The following GDPD5 variants were observed in gnomAD, a reference collection of about 807,000 sequenced individuals.
GDPD5 encodes glycerophosphodiester phosphodiesterase domain containing 5.
GDPD5 carries 48 observed loss-of-function variants against 75.1 expected under a neutral mutation model. That is an observed-to-expected ratio of 0.64 (90% CI 0.51 to 0.81). GDPD5 has a LOEUF of 0.81. GDPD5 is among the 40% of genes least tolerant of loss of function. GDPD5 has a pLI of 0.00. For synonymous variants in GDPD5, 336 were observed against 339.0 expected (o/e 0.99, Z 0.10); for missense variants, 706 against 822.6 (o/e 0.86, Z 1.73).
intron 2 of GDPD5, among the ~76,000 whole-genome samples, chr11:75,487,776 G>A (rs1018058580): frequency 2.0e-5 from 3 of 152,150 alleles, no homozygotes; most frequent in Non-Finnish European, 4.4e-5. Flanking sequence ...CCAGGTCAGG[G>A]CTATGAGCTT....
intron 3 of GDPD5, among the ~76,000 whole-genome samples, chr11:75,475,833 C>T (rs1458211532): frequency 1.3e-5 from 2 of 152,212 alleles, no homozygotes; most frequent in Admixed American, 1.3e-4. Flanking sequence ...AGACCCCTGC[C>T]TCAGATTGGT....
chr11:75,451,013 G>A (rs1205758821), intron 6 of GDPD5: 1 of 152,382 alleles, frequency 6.6e-6, no homozygotes, highest in African/African-American at 2.4e-5. Flanking sequence ...CTGCTGGCAG[G>A]GCCTTCACCC....
In GDPD5 at chr11:75,449,066, C is replaced by A. The variant is rs1949060902; in HGVS notation, c.625G>T (p.Ala209Ser). 1 of 1,606,294 alleles carries A rather than the reference C, an allele frequency of 6.2e-7. No homozygotes were observed. Among genetic ancestry groups the A allele is most frequent in the Non-Finnish European group, 8.5e-7 (1 of 1,177,310 alleles). ...FFTVVFALYL[A>S]PLTISSPCIM... is the part of the protein sequence containing the mutation. Reference sequence around the variant, plus strand: ...CAGGGAGAGGAGATGGTGAGAGGGGCCAGGTAGAGGGCAAACACCACGGTG... The same window carrying A: ...CAGGGAGAGGAGATGGTGAGAGGGGACAGGTAGAGGGCAAACACCACGGTG... The change falls in exon 9 of 17, where the codon GCC (alanine) becomes TCC (serine). Residue 209 changes from alanine (A) to serine (S), a missense_variant. By Grantham distance (99) the Ala-to-Ser change is moderately conservative. Transcript: ENST00000336898.
chr11:75,518,098 G>A (rs1391782392), intron 1 of GDPD5, among the ~76,000 whole-genome samples: 2 of 152,274 alleles, frequency 1.3e-5, no homozygotes, highest in African/African-American at 4.8e-5. Flanking sequence ...GGTGGCTGGG[G>A]CAGGGAGTTC....
At chr11:75,524,867 C>A (rs1281762900) in intron 1 of GDPD5, among the ~76,000 whole-genome samples, 1 of 152,172 alleles carries the variant, frequency 6.6e-6, no homozygotes, top group Non-Finnish European at 1.5e-5. Context: ...TGCCTCTTCC[C>A]CCTCTATCCT....
chr11:75,480,013 A>G (rs561712022), intron 2 of GDPD5, among the ~76,000 whole-genome samples: 1 of 152,278 alleles, frequency 6.6e-6, no homozygotes, highest in African/African-American at 2.4e-5. Flanking sequence ...TCTGTGAATG[A>G]GTTTTTTGTG....
intron 4 of GDPD5, among the ~76,000 whole-genome samples, chr11:75,458,335 C>T (rs375896503): frequency 1.7e-3 from 255 of 152,364 alleles, no homozygotes; most frequent in South Asian, 2.5e-3. Context: ...TAATACTTGA[C>T]TTCTCTGAGC....
At chr11:75,441,501 A>C in intron 13 of GDPD5, 145 bp downstream of exon 13, 1 of 1,117,406 alleles carries the variant, frequency 8.9e-7, no homozygotes, top group South Asian at 1.5e-5. Flanking sequence ...TCTTTGAACC[A>C]TGTGTGCCTG....
At chr11:75,456,558 G>A in intron 6 of GDPD5, 199 bp downstream of exon 6, 1 of 598,204 alleles carries the variant, frequency 1.7e-6, no homozygotes, top group Middle Eastern at 2.6e-4. Context: ...ACATCACAAG[G>A]TTGCTGTAAG....
intron 1 of GDPD5, among the ~76,000 whole-genome samples, chr11:75,514,723 G>T (rs1165744955): frequency 6.6e-6 from 1 of 152,226 alleles, no homozygotes. Flanking sequence ...CCTCTGCAGA[G>T]TCCCCAGCAA....
intron 9 of GDPD5, among the ~76,000 whole-genome samples, chr11:75,445,539 A>G (rs1948964008): frequency 1.3e-5 from 2 of 152,212 alleles, no homozygotes; most frequent in Non-Finnish European, 2.9e-5. Context: ...GGCGAAGACC[A>G]GGTCCATGAG....
At chr11:75,441,061 C>A (rs1228593934) in intron 14 of GDPD5, 102 bp downstream of exon 14, 1 of 1,184,112 alleles carries the variant, frequency 8.4e-7, no homozygotes, top group Non-Finnish European at 1.2e-6. Context: ...ATGCTAGAGA[C>A]CTCCCAGGGA....
chr11:75,441,218 A>G lies in GDPD5; in HGVS notation c.1418T>C (p.Val473Ala). 6.8e-6 allele frequency: 11 copies of G among 1,614,006 alleles called. No individual in the cohort carries two copies. The highest frequency in any genetic ancestry group is 7.6e-6 in the Non-Finnish European group (9 of 1,179,972). The change falls in exon 14 of 17, where the codon GTC becomes GCC. Residue 473 changes from valine (V) to alanine (A), a missense_variant. Physicochemically the swap from Val to Ala is moderately conservative, Grantham distance 64. Coordinates refer to ENST00000336898, the MANE Select transcript of GDPD5 (RefSeq NM_030792.8). The part of the protein sequence containing the change: ...SLLWCAGVPS[V>A]TSDNSHALSQ... ...CAGGGCGTGGGAGTTGTCAGAGGTG[A>G]CGGATGGGACCCCCGCACACCACAG...
chr11:75,445,503 G>C (rs1252558083), intron 9 of GDPD5, among the ~76,000 whole-genome samples: 1 of 152,184 alleles, frequency 6.6e-6, no homozygotes, highest in Non-Finnish European at 1.5e-5. Flanking sequence ...TGCTGCCACT[G>C]GGGGTCAGCA....
At chr11:75,436,303 C>T (rs117752375) in intron 16 of GDPD5, among the ~76,000 whole-genome samples, 1 of 152,282 alleles carries the variant, frequency 6.6e-6, no homozygotes, top group East Asian at 1.9e-4. Context: ...GCTCCCTTGC[C>T]ACCTCTGCAC....
chr11:75,493,388 T>A (rs1950149308), intron 1 of GDPD5, among the ~76,000 whole-genome samples: 1 of 152,124 alleles, frequency 6.6e-6, no homozygotes, highest in African/African-American at 2.4e-5. Flanking sequence ...TTTATTTTTT[T>A]ATTTTTTTAA....
intron 6 of GDPD5, chr11:75,451,837 T>C (rs958229815): frequency 1.3e-5 from 2 of 152,258 alleles, no homozygotes; most frequent in African/African-American, 4.8e-5. Flanking sequence ...ATCAACACAC[T>C]CAGCAGCATC....
At chr11:75,459,786 G>T (rs112937131) in intron 4 of GDPD5, among the ~76,000 whole-genome samples, 8,382 of 150,140 alleles carry the variant, frequency 0.056, 344 homozygotes, top group East Asian at 0.13. Context: ...CTCCAGCCTG[G>T]GTGACAGAGC....
At position 75,435,177 on chromosome 11, in the gene GDPD5, G is replaced by A. The variant is rs1592044229; in HGVS notation, c.*330C>T. On this transcript the variant is annotated 3_prime_UTR_variant, in exon 17 of 17. Transcript: ENST00000336898. ...CATCCACACACTCCATTGCCACAGG[G>A]GGTATGGCATGGCCCATGACCCATC... 4.6e-6 allele frequency: 1 copy of A among 217,334 alleles called. No homozygotes were observed. The highest frequency in any genetic ancestry group is 5.6e-5 in the Admixed American group (1 of 17,742). 13.5% of individuals were successfully genotyped at this position (217,334 alleles called of 1,614,324 possible).
Sources: gnomAD v4.1 joint callset for allele counts (sites outside exome capture counted in the v4.1 genomes callset) on GRCh38, gnomAD v4.1.1 for gene constraint, MANE v1.5 for transcripts, NCBI Gene and HGNC (gene_info 2026-07-23, HGNC 2026-07-21) for gene names.